DOCK3: variants seen among roughly 807,000 people sequenced by gnomAD.
DOCK3 encodes dedicator of cytokinesis 3.
A neutral mutation model predicts 265.6 loss-of-function variants in DOCK3; 60 were observed. The ratio of observed to expected loss-of-function variants is 0.23; its 90% CI spans 0.18 to 0.28. The LOEUF is 0.28. Ranked by LOEUF, DOCK3 falls within the 10% of genes least tolerant of loss-of-function variation. The pLI is 1.00. For missense variants in DOCK3, 1,981 were observed against 2,594.3 expected (o/e 0.76, Z 5.14); for synonymous variants, 881 against 938.0 (o/e 0.94, Z 1.11).
chr3:50,979,663 C>T lies in DOCK3; in HGVS notation c.315+45586C>T, dbSNP rs185029827. On this transcript the variant is annotated intron_variant, in intron 5 of 52. Transcript: ENST00000266037. ...CTGCAGAACCACAAAACAAATAAGC[C>T]TCTTTTTAAAAAAAATAAATTACCC... 1.6e-4 allele frequency among the ~76,000 whole-genome samples: 25 copies of T among 152,216 alleles called. No homozygotes were observed. The East Asian group carries it at 1.9e-3, about 12-fold the overall frequency.
intron 35 of DOCK3, among the ~76,000 whole-genome samples, chr3:51,337,739 A>G (rs9829057): frequency 0.083 from 12,566 of 152,108 alleles, 1,159 homozygotes; most frequent in East Asian, 0.34. Flanking sequence ...CTATTTTCCT[A>G]TCTCTCACAG....
chr3:50,895,521 A>AT (rs1157609833), intron 4 of DOCK3, among the ~76,000 whole-genome samples: 4 of 150,986 alleles, frequency 2.6e-5, no homozygotes, highest in Non-Finnish European at 5.9e-5. Flanking sequence ...TCTTTTTAAA[A>AT]TTTTTTTATT....
intron 2 of DOCK3, among the ~76,000 whole-genome samples, chr3:50,818,328 T>C (rs1371185793): frequency 1.3e-5 from 2 of 152,240 alleles, no homozygotes; most frequent in African/African-American, 4.8e-5. Context: ...GGTTTTGTAA[T>C]GGGAATTGAC....
At chr3:51,086,336 C>T (rs998700657) in intron 7 of DOCK3, among the ~76,000 whole-genome samples, 5 of 152,360 alleles carry the variant, frequency 3.3e-5, no homozygotes, top group Admixed American at 2.0e-4. Flanking sequence ...AGTAAACCCA[C>T]AACCTTCCAG....
chr3:51,199,046 A>G (rs1347303514), intron 12 of DOCK3, among the ~76,000 whole-genome samples: 2 of 152,078 alleles, frequency 1.3e-5, no homozygotes, highest in Non-Finnish European at 2.9e-5. Flanking sequence ...AGAAAAAAAA[A>G]GAGGGGAGGA....
At chr3:51,103,319 T>C (rs535640636) in intron 9 of DOCK3, among the ~76,000 whole-genome samples, 2 of 151,958 alleles carry the variant, frequency 1.3e-5, no homozygotes, top group Non-Finnish European at 2.9e-5. Context: ...GACATGCTCA[T>C]GCACAAAAAA....
At chr3:50,810,417 G>A (rs2043677144) in intron 2 of DOCK3, among the ~76,000 whole-genome samples, 1 of 152,080 alleles carries the variant, frequency 6.6e-6, no homozygotes, top group Admixed American at 6.5e-5. Flanking sequence ...TGGGCGTTGT[G>A]ATGGGCACCT....
At chr3:51,285,264 T>C (rs1477366173) in intron 27 of DOCK3, among the ~76,000 whole-genome samples, 1 of 152,106 alleles carries the variant, frequency 6.6e-6, no homozygotes, top group African/African-American at 2.4e-5. Context: ...TGATCTCATA[T>C]GCAGAAATGA....
intron 1 of DOCK3, among the ~76,000 whole-genome samples, chr3:50,757,163 C>CTTTTTTTTTTTTTTTTTT (rs34435343): frequency 1.2e-5 from 1 of 81,628 alleles, no homozygotes; most frequent in Non-Finnish European, 2.1e-5. Context: ...AGATTGTCGT[C>CTTTTTTTTTTTTTTTTTT]TTTTTTTTTT....
chr3:50,768,930 T>A (rs970302070), intron 1 of DOCK3, among the ~76,000 whole-genome samples: 1 of 152,224 alleles, frequency 6.6e-6, no homozygotes, highest in Non-Finnish European at 1.5e-5. Flanking sequence ...TTTGTCTTTT[T>A]GATAATTGCC....
At chr3:50,749,878 C>T (rs1195301989) in intron 1 of DOCK3, among the ~76,000 whole-genome samples, 1 of 152,140 alleles carries the variant, frequency 6.6e-6, no homozygotes, top group Non-Finnish European at 1.5e-5. Flanking sequence ...AATTTTCTGT[C>T]TTCCATTACT....
At chr3:51,022,021 C>T (rs2079617270) in intron 5 of DOCK3, among the ~76,000 whole-genome samples, 1 of 152,116 alleles carries the variant, frequency 6.6e-6, no homozygotes, top group Non-Finnish European at 1.5e-5. Flanking sequence ...TCCATGTCAC[C>T]TTTAATATTT....
At chr3:50,704,660 C>T (rs1237309665) in intron 1 of DOCK3, among the ~76,000 whole-genome samples, 1 of 141,876 alleles carries the variant, frequency 7.0e-6, no homozygotes, top group Admixed American at 7.4e-5. Flanking sequence ...GAGTCTCACT[C>T]TGTCACCCAG....
chr3:50,890,004 G>A, intron 3 of DOCK3, 22 bp from the exon 4 acceptor site: 1 of 1,394,444 alleles, frequency 7.2e-7, no homozygotes, highest in South Asian at 1.6e-5. Flanking sequence ...TTTTCTAACA[G>A]GAAATATTTT....
intron 13 of DOCK3, among the ~76,000 whole-genome samples, chr3:51,212,585 C>T (rs1325516485): frequency 2.6e-5 from 4 of 152,072 alleles, no homozygotes; most frequent in African/African-American, 9.7e-5. Context: ...TACGTAAAGA[C>T]AACAAAGATG....
At chr3:50,855,941 G>A (rs1412361576) in intron 3 of DOCK3, among the ~76,000 whole-genome samples, 1 of 152,116 alleles carries the variant, frequency 6.6e-6, no homozygotes, top group African/African-American at 2.4e-5. Context: ...GCAGTGTTTG[G>A]TTTTCTGTTC....
At chr3:50,787,523 A>C (rs1367550006) in intron 2 of DOCK3, 7 of 575,752 alleles carry the variant, frequency 1.2e-5, no homozygotes, top group Non-Finnish European at 2.1e-5. Flanking sequence ...CAACAAGAGT[A>C]AAACTGTCTC....
Position 51,270,904 on chromosome 3 carries a change from A to G in DOCK3, c.2445A>G (p.Thr815=), listed in dbSNP as rs758502192. 4 of 1,614,030 alleles carry G rather than the reference A, an allele frequency of 2.5e-6. No individual in the cohort carries two copies. The highest frequency in any genetic ancestry group is 3.4e-6 in the Non-Finnish European group (4 of 1,179,896). ...VQEVAEFVRG[T]LGSMPSTVHI... ...AGGTGGCAGAGTTTGTGAGAGGGACACTGGGGAGCATGCCCAGCACTGTGC... is the reference window on the plus strand; with the variant it reads ...AGGTGGCAGAGTTTGTGAGAGGGACGCTGGGGAGCATGCCCAGCACTGTGC... The change falls in exon 24 of 53, where the codon ACA becomes ACG. Residue 815 remains threonine (T), a synonymous_variant. Transcript: ENST00000266037.
At chr3:51,174,306 A>T (rs574287781) in intron 12 of DOCK3, among the ~76,000 whole-genome samples, 28 of 152,136 alleles carry the variant, frequency 1.8e-4, no homozygotes, top group Middle Eastern at 3.4e-3. Flanking sequence ...AAAAAAATTT[A>T]AAAAATACAA....
Sources: allele counts gnomAD v4.1 joint callset (sites outside exome capture counted in the v4.1 genomes callset), GRCh38; gene constraint gnomAD v4.1.1; transcripts MANE v1.5; gene names NCBI Gene and HGNC (gene_info 2026-07-23, HGNC 2026-07-21).